AREL1: variants seen among roughly 807,000 people sequenced by gnomAD.
The protein encoded by AREL1 is apoptosis resistant E3 ubiquitin protein ligase 1, also known as apoptosis-resistant E3 ubiquitin protein ligase 1.
In AREL1, 62 loss-of-function variants were observed where a neutral mutation model predicts 99.0. The ratio of observed to expected loss-of-function variants is 0.63; its 90% CI spans 0.51 to 0.77. The LOEUF (loss-of-function observed/expected upper bound fraction) is 0.77. AREL1 is among the 30% of genes least tolerant of loss of function. The pLI is 0.00. For synonymous variants in AREL1, 380 were observed against 376.5 expected, an observed-to-expected ratio of 1.01 and a Z score of -0.11; for missense variants, 879 against 1,027.6, an observed-to-expected ratio of 0.86 and a Z score of 1.98.
chr14:74,683,594 AGAGT>A lies in AREL1; in HGVS notation c.244-65_244-62del, dbSNP rs1435440062. ...CAGAGGAAAAAAACATTTCCTGTGT[AGAGT>A]GAGTGGGGAGAGAGGAAGTAGCTGG... On this transcript the variant is annotated intron_variant, in intron 4 of 19. Transcript: ENST00000356357. 4.1e-5 allele frequency: 61 copies of A among 1,498,570 alleles called. 1 individual carries two copies. The East Asian group carries it at 1.4e-3, about 34-fold the overall frequency. 92.8% of individuals were successfully genotyped at this position (1,498,570 alleles called of 1,614,324 possible).
intron 1 of AREL1, among the ~76,000 whole-genome samples, chr14:74,711,757 A>G (rs2090295596): frequency 6.6e-6 from 1 of 151,946 alleles, no homozygotes; most frequent in Admixed American, 6.5e-5. Flanking sequence ...TCCATTTTAC[A>G]GATAAAGAAA....
At chr14:74,704,733 T>C (rs2090145397) in intron 1 of AREL1, among the ~76,000 whole-genome samples, 1 of 152,194 alleles carries the variant, frequency 6.6e-6, no homozygotes. Context: ...AAAATACACT[T>C]TTTAAAGAGT....
intron 13 of AREL1, 90 bp from the exon 14 acceptor site, chr14:74,670,216 G>A: frequency 3.8e-6 from 5 of 1,322,556 alleles, no homozygotes; most frequent in Non-Finnish European, 5.2e-6. Context: ...CCATGCCAAA[G>A]GAACAAGATG....
chr14:74,712,717 C>A (rs1415223895), intron 1 of AREL1: 3 of 299,934 alleles, frequency 1.0e-5, no homozygotes, highest in Middle Eastern at 2.3e-3. Flanking sequence ...GCACAAAGCA[C>A]CATATCGGCT....
At chr14:74,675,091 GA>G (rs1334532954) in intron 8 of AREL1, among the ~76,000 whole-genome samples, 1 of 152,182 alleles carries the variant, frequency 6.6e-6, no homozygotes, top group East Asian at 1.9e-4. Flanking sequence ...GAAGTATAAT[GA>G]AACTATCAGC....
In AREL1 at chr14:74,676,270, T is replaced by C. The variant is rs777468006; in HGVS notation, c.703A>G (p.Thr235Ala). The C allele has an allele frequency of 1.2e-6, 2 of 1,614,218 alleles. No homozygotes were observed. Among genetic ancestry groups the C allele is most frequent in the Admixed American group, 3.3e-5 (2 of 60,024 alleles). Residue 235 changes from threonine to alanine, a missense_variant, in exon 7 of 20, where the codon ACA becomes GCA. Thr to Ala is a moderately conservative substitution (Grantham distance 58). Transcript: ENST00000356357. ...ACCTGGAAAGTCTGCCTGTTGGATG[T>C]TACTGATTTCTCAAATGAGACACCA... ...STGVSFEKSV[T>A]SNRQTFQVFL... is the part of the protein sequence containing the mutation.
rs377686006 is a variant in AREL1, at chr14:74,673,993, G to A, written c.1158+41C>T. ...TAAAAGGCTGAGATAGTCCAGAGAT[G>A]AAGCATGCTTGATGTGAACCAGATG... On this transcript the variant is annotated intron_variant, in intron 9 of 19. Transcript: ENST00000356357. 1.2e-5 allele frequency: 19 copies of A among 1,522,470 alleles called. No individual in the cohort carries two copies. The African/African-American group carries it at 1.5e-4, about 12-fold the overall frequency. 94.3% of individuals were successfully genotyped at this position (1,522,470 alleles called of 1,614,324 possible).
chr14:74,703,951 C>A (rs906140707), intron 1 of AREL1, among the ~76,000 whole-genome samples: 4 of 152,184 alleles, frequency 2.6e-5, no homozygotes, highest in African/African-American at 4.8e-5. Flanking sequence ...TGCATTTCCA[C>A]CAGCAATGCA....
rs201650386 is a variant in AREL1 at position 74,670,788 on chromosome 14, G to A, written c.1582C>T (p.Arg528Trp). 59 of 1,614,020 alleles carry A rather than the reference G, an allele frequency of 3.7e-5. 1 individual carries two copies. The Admixed American group carries it at 5.5e-4, about 15-fold the overall frequency. ...AATGCTTGGTTGTTGTCACTGAACC[G>A]GGTGAAGAGCTGATTGGTGGTATCA... The part of the protein sequence containing the change: ...LFDTTNQLFT[R>W]FSDNNQALVH... Residue 528 changes from arginine to tryptophan, a missense_variant, in exon 13 of 20, where the codon CGG becomes TGG. Transcript: ENST00000356357.
chr14:74,663,474 C>T lies in AREL1; in HGVS notation c.*246G>A, dbSNP rs1259772664. ...CCAAATAAATGATAGCAGCATGGTCCTCTTCTCATGACAGAATGAAGAGCT... is the reference window on the plus strand; with the variant it reads ...CCAAATAAATGATAGCAGCATGGTCTTCTTCTCATGACAGAATGAAGAGCT... On this transcript the variant is annotated 3_prime_UTR_variant, in exon 20 of 20. Coordinates refer to ENST00000356357, the MANE Select transcript of AREL1 (RefSeq NM_001039479.2). 2 of 523,072 alleles carry T rather than the reference C, an allele frequency of 3.8e-6. No homozygotes were observed. The highest frequency in any genetic ancestry group is 3.8e-5 in the African/African-American group (2 of 52,176). The allele number at this position is 523,072 out of a possible 1,614,324, so 32.4% of individuals were successfully genotyped here. A position where few individuals can be genotyped will look rare whatever the true frequency, so the allele number is the denominator to read the frequency against.
At chr14:74,700,887 A>G (rs2090073824) in intron 1 of AREL1, among the ~76,000 whole-genome samples, 1 of 152,240 alleles carries the variant, frequency 6.6e-6, no homozygotes, top group Admixed American at 6.5e-5. Context: ...AGAGAGAAAA[A>G]GGATCACACA....
chr14:74,685,604 A>G lies in AREL1; in HGVS notation c.12T>C (p.Val4=), dbSNP rs1566692095. The part of the protein sequence containing the change: MFY[V]IGGITVSVVA... Reference sequence around the variant, plus strand: ...AGAGCTCTTTCCATAACGTACCAATAACGTAAAACATCAGGTCCCGTCAAT... The same window carrying G: ...AGAGCTCTTTCCATAACGTACCAATGACGTAAAACATCAGGTCCCGTCAAT... Residue 4 remains valine (V), a synonymous_variant, in exon 3 of 20, where the codon GTT becomes GTC. Transcript: ENST00000356357. The G allele has an allele frequency of 1.9e-6, 3 of 1,614,102 alleles. No individual in the cohort carries two copies. In the Admixed American group the frequency reaches 5.0e-5, roughly 27 times the overall value.
At chr14:74,693,940 G>A (rs1230880096) in intron 1 of AREL1, among the ~76,000 whole-genome samples, 1 of 152,218 alleles carries the variant, frequency 6.6e-6, no homozygotes, top group Non-Finnish European at 1.5e-5. Flanking sequence ...ACTTTGGGAG[G>A]CCAAGGCAGG....
intron 2 of AREL1, among the ~76,000 whole-genome samples, chr14:74,685,993 A>G (rs1167634083): frequency 4.6e-5 from 7 of 152,226 alleles, no homozygotes; most frequent in African/African-American, 1.7e-4. Flanking sequence ...TCCCTCATGC[A>G]AAGTGGTGCT....
chr14:74,696,267 C>T (rs1170034243), intron 1 of AREL1, among the ~76,000 whole-genome samples: 1 of 152,198 alleles, frequency 6.6e-6, no homozygotes, highest in Non-Finnish European at 1.5e-5. Flanking sequence ...CATTTTCTTC[C>T]AGTTCTACCA....
intron 15 of AREL1, 34 bp from the exon 16 acceptor site, chr14:74,667,628 G>C (rs760599667): frequency 6.4e-7 from 1 of 1,560,072 alleles, no homozygotes; most frequent in South Asian, 1.2e-5. Context: ...ACAAGGGAGA[G>C]GCTGTGGATG....
At chr14:74,671,850 G>A (rs976227345) in intron 11 of AREL1, 1 of 218,412 alleles carries the variant, frequency 4.6e-6, no homozygotes, top group Non-Finnish European at 9.6e-6. Flanking sequence ...AAGGAATCCT[G>A]GTTTTCAGCA....
chr14:74,698,050 G>C (rs944500974), intron 1 of AREL1, among the ~76,000 whole-genome samples: 2 of 152,140 alleles, frequency 1.3e-5, no homozygotes, highest in Admixed American at 6.5e-5. Flanking sequence ...TGTAATATTT[G>C]CATGAATTTC....
intron 13 of AREL1, 98 bp downstream of exon 13, chr14:74,670,664 G>A: frequency 1.0e-6 from 1 of 961,252 alleles, no homozygotes; most frequent in Non-Finnish European, 1.6e-6. Flanking sequence ...TAGGACACAG[G>A]TTGTCAGGTT....
Sources: allele counts gnomAD v4.1 joint callset (sites outside exome capture counted in the v4.1 genomes callset), GRCh38; gene constraint gnomAD v4.1.1; transcripts MANE v1.5; gene names NCBI Gene and HGNC (gene_info 2026-07-23, HGNC 2026-07-21).